NTM: variants seen among roughly 807,000 people sequenced by gnomAD.
The protein encoded by NTM is neurotrimin.
In NTM, 13 loss-of-function variants were observed where a neutral mutation model predicts 42.1. The observed-to-expected ratio is 0.31, with a 90% confidence interval of 0.20 to 0.49. The LOEUF (loss-of-function observed/expected upper bound fraction) is 0.49. Ranked by LOEUF, NTM falls within the 20% of genes least tolerant of loss-of-function variation. NTM has a pLI of 0.99. For synonymous variants in NTM, 187 were observed against 179.2 expected (o/e 1.04, Z -0.35); for missense variants, 373 against 452.8 (o/e 0.82, Z 1.60).
At chr11:131,744,540 C>A (rs144407684) in intron 1 of NTM, among the ~76,000 whole-genome samples, 1 of 151,826 alleles carries the variant, frequency 6.6e-6, no homozygotes, top group Non-Finnish European at 1.5e-5. Flanking sequence ...AAGCAGTCTG[C>A]GGAAAAGCTG....
intron 1 of NTM, among the ~76,000 whole-genome samples, chr11:131,386,726 T>A (rs987866504): frequency 2.6e-5 from 4 of 152,242 alleles, no homozygotes; most frequent in African/African-American, 9.6e-5. Flanking sequence ...AGCTAGTTGC[T>A]TGTGTAATGG....
At chr11:131,546,165 G>A (rs61215338) in intron 1 of NTM, among the ~76,000 whole-genome samples, 1,821 of 152,200 alleles carry the variant, frequency 0.012, 43 homozygotes, top group African/African-American at 0.04. Flanking sequence ...GGTTTGAAGC[G>A]GGGCAATTGC....
chr11:132,293,381 C>G (rs1389675680), intron 4 of NTM, among the ~76,000 whole-genome samples: 2 of 152,262 alleles, frequency 1.3e-5, no homozygotes, highest in Non-Finnish European at 1.5e-5. Context: ...CCAGGAGAGC[C>G]CATGTCCCCG....
rs560515199 is a variant in NTM, at chr11:131,692,220, C to G, written c.83-219344C>G. On this transcript the variant is annotated intron_variant, in intron 1 of 8. Transcript: ENST00000683400. ...ACCCTGCCTACAAGAGGTGCCACCT[C>G]CCATGCAGACCTCTGGGTGATGCTG... Among the ~76,000 whole-genome samples, 15 of 133,210 alleles carry G rather than the reference C, an allele frequency of 1.1e-4. No individual in the cohort carries two copies. In the South Asian group the frequency reaches 3.1e-3, roughly 28 times the overall value. The allele number at this position is 133,210 out of a possible 152,430, so 87.4% of individuals were successfully genotyped here.
rs144331802 is a variant in NTM at position 131,573,231 on chromosome 11, G to A, written c.82+202343G>A. On this transcript the variant is annotated intron_variant, in intron 1 of 8. Coordinates refer to ENST00000683400, the MANE Select transcript of NTM (RefSeq NM_001352005.2). ...GGAGGAAAATTAGACCCAGAAGCCT[G>A]GCTTTGGAACAGGGAAGACTGGGGT... Among the ~76,000 whole-genome samples, 402 of 152,296 alleles carry A rather than the reference G, an allele frequency of 2.6e-3. 3 individuals carry two copies. Among genetic ancestry groups the A allele is most frequent in the African/African-American group, 9.1e-3 (380 of 41,550 alleles).
intron 4 of NTM, among the ~76,000 whole-genome samples, chr11:132,233,586 G>A (rs576878200): frequency 1.3e-5 from 2 of 152,318 alleles, no homozygotes; most frequent in Admixed American, 1.3e-4. Context: ...AAATTAAAGT[G>A]TCATTGTCTC....
intron 1 of NTM, among the ~76,000 whole-genome samples, chr11:131,426,525 G>T (rs866447290): frequency 7.9e-5 from 12 of 152,192 alleles, no homozygotes; most frequent in Non-Finnish European, 1.3e-4. Flanking sequence ...TTTGCTAAAG[G>T]TCTGCGAAAT....
chr11:132,237,062 G>A (rs577866719), intron 4 of NTM, among the ~76,000 whole-genome samples: 1 of 152,188 alleles, frequency 6.6e-6, no homozygotes, highest in African/African-American at 2.4e-5. Flanking sequence ...GATGAGATCT[G>A]CTGGTTGAGC....
At chr11:132,031,504 A>C (rs1413321645) in intron 2 of NTM, among the ~76,000 whole-genome samples, 2 of 151,990 alleles carry the variant, frequency 1.3e-5, no homozygotes, top group Non-Finnish European at 2.9e-5. Flanking sequence ...GAGTTTCGAG[A>C]ATTGGTTGGT....
chr11:131,451,270 G>T (rs182277190), intron 1 of NTM, among the ~76,000 whole-genome samples: 2 of 152,188 alleles, frequency 1.3e-5, no homozygotes, highest in African/African-American at 4.8e-5. Flanking sequence ...TTCGAGCTTA[G>T]CCAGGAAACC....
At chr11:131,465,507 A>G (rs542601379) in intron 1 of NTM, among the ~76,000 whole-genome samples, 1 of 152,012 alleles carries the variant, frequency 6.6e-6, no homozygotes, top group Non-Finnish European at 1.5e-5. Context: ...CCAGCTTACT[A>G]TGTCTTCTCT....
At chr11:131,924,190 A>T (rs2057625631) in intron 2 of NTM, among the ~76,000 whole-genome samples, 1 of 152,176 alleles carries the variant, frequency 6.6e-6, no homozygotes, top group African/African-American at 2.4e-5. Context: ...AGTTACACAG[A>T]CATCTGGTGG....
chr11:131,891,516 G>A (rs1029925175), intron 1 of NTM, among the ~76,000 whole-genome samples: 3 of 152,120 alleles, frequency 2.0e-5, no homozygotes, highest in African/African-American at 7.2e-5. Context: ...GGGGCCACAC[G>A]CTGCCAAGAG....
At chr11:132,076,493 C>T (rs565257504) in intron 2 of NTM, among the ~76,000 whole-genome samples, 1 of 152,312 alleles carries the variant, frequency 6.6e-6, no homozygotes, top group South Asian at 2.1e-4. Context: ...GGCAAGTTTC[C>T]TGCTTTTCTG....
chr11:132,238,018 G>A (rs752358447), intron 4 of NTM, among the ~76,000 whole-genome samples: 14 of 152,108 alleles, frequency 9.2e-5, no homozygotes, highest in Non-Finnish European at 1.6e-4. Context: ...TGAATACTGG[G>A]CTTCAGAGAC....
At chr11:131,887,064 C>T (rs887306910) in intron 1 of NTM, among the ~76,000 whole-genome samples, 14 of 152,178 alleles carry the variant, frequency 9.2e-5, no homozygotes, top group South Asian at 2.1e-4. Flanking sequence ...GGAGAAGTAA[C>T]GTACAGCATG....
chr11:132,184,301 C>A (rs1047457471), intron 3 of NTM, among the ~76,000 whole-genome samples: 1 of 152,166 alleles, frequency 6.6e-6, no homozygotes, highest in African/African-American at 2.4e-5. Flanking sequence ...TCCAGTTGAT[C>A]CAGACAGTTA....
chr11:131,959,876 G>C (rs1166061834), intron 2 of NTM, among the ~76,000 whole-genome samples: 2 of 152,278 alleles, frequency 1.3e-5, no homozygotes, highest in African/African-American at 4.8e-5. Flanking sequence ...TCATGGTCCA[G>C]GTGAGAAACA....
chr11:131,401,799 AATATATATATATATATATAT>A (rs61167647), intron 1 of NTM, among the ~76,000 whole-genome samples: 371 of 34,982 alleles, frequency 0.011, 18 homozygotes, highest in African/African-American at 0.029. Context: ...GGCCACTGGA[AATATATATATATATATATAT>A]ATATATATAT....
Sources: allele counts gnomAD v4.1 joint callset (sites outside exome capture counted in the v4.1 genomes callset), GRCh38; gene constraint gnomAD v4.1.1; transcripts MANE v1.5; gene names NCBI Gene and HGNC (gene_info 2026-07-23, HGNC 2026-07-21).